The following HTR2C variants were observed in gnomAD, a reference collection of about 807,000 sequenced individuals.
HTR2C encodes the protein 5-hydroxytryptamine (serotonin) receptor 2C, G protein-coupled.
In HTR2C, 5 loss-of-function variants were observed where a neutral mutation model predicts 21.0. The ratio of observed to expected loss-of-function variants is 0.24; its 90% CI spans 0.12 to 0.50. The LOEUF is 0.50. Among genes scored for constraint, HTR2C ranks in the 20% least tolerant of loss-of-function variants. HTR2C has a pLI of 0.98. For synonymous variants in HTR2C, 150 were observed against 145.3 expected, an observed-to-expected ratio of 1.03 and a Z score of -0.23; for missense variants, 271 against 371.2, an observed-to-expected ratio of 0.73 and a Z score of 2.22.
chrX:114,602,857 C>G (rs1373884704), intron 1 of HTR2C, among the ~76,000 whole-genome samples: 2 of 99,131 alleles, frequency 2.0e-5, no homozygotes, highest in African/African-American at 3.7e-5. Flanking sequence ...GTAGGGAAGG[C>G]AGGGGGCCTG....
At chrX:114,841,605 A>G (rs961217739) in intron 4 of HTR2C, among the ~76,000 whole-genome samples, 1 of 110,557 alleles carries the variant, frequency 9.0e-6, no homozygotes, top group Non-Finnish European at 1.9e-5. Context: ...GCCTGGAGCG[A>G]TGGTGGGCAC....
intron 4 of HTR2C, among the ~76,000 whole-genome samples, chrX:114,768,865 G>T (rs1158997156): frequency 9.0e-6 from 1 of 111,187 alleles, no homozygotes; most frequent in Admixed American, 9.6e-5. Context: ...ATCTAAGACT[G>T]TACTTAATTC....
intron 2 of HTR2C, among the ~76,000 whole-genome samples, chrX:114,684,441 G>C (rs1931849075): frequency 8.9e-6 from 1 of 112,069 alleles, no homozygotes; most frequent in Non-Finnish European, 1.9e-5. Flanking sequence ...TCTTCATAAA[G>C]TAAAAGTATG....
Position 114,732,803 on chromosome X carries a change from C to T in HTR2C, c.349+1196C>T, listed in dbSNP as rs782617646. On this transcript the variant is annotated intron_variant, in intron 4 of 5. Coordinates refer to ENST00000276198, the MANE Select transcript of HTR2C (RefSeq NM_000868.4). ...TCTGTGGTGTCTGTTTCGCCAGCTT[C>T]TCCCTTTAAAAAAATGTGAGTGGCC... 4.5e-5 allele frequency among the ~76,000 whole-genome samples: 5 copies of T among 111,168 alleles called. No homozygotes were observed. In the South Asian group the frequency reaches 1.5e-3, roughly 34 times the overall value.
intron 2 of HTR2C, among the ~76,000 whole-genome samples, chrX:114,701,197 G>A (rs1932476267): frequency 8.9e-6 from 1 of 112,043 alleles, no homozygotes; most frequent in South Asian, 3.7e-4. Context: ...TGACAGTTTT[G>A]GAGAGAGCAG....
At chrX:114,898,624 C>T (rs782134128) in intron 5 of HTR2C, among the ~76,000 whole-genome samples, 67 of 111,973 alleles carry the variant, frequency 6.0e-4, no homozygotes, top group Non-Finnish European at 8.8e-4. Context: ...CTAGCCAGTT[C>T]TCCAAGCACA....
chrX:114,651,922 CATT>C (rs1476410742), intron 2 of HTR2C, among the ~76,000 whole-genome samples: 1 of 111,450 alleles, frequency 9.0e-6, no homozygotes, highest in East Asian at 2.8e-4. Flanking sequence ...TTTGGAAGAA[CATT>C]ATTATGATCT....
intron 5 of HTR2C, among the ~76,000 whole-genome samples, chrX:114,874,258 A>G (rs1163829042): frequency 9.0e-6 from 1 of 111,031 alleles, no homozygotes; most frequent in Non-Finnish European, 1.9e-5. Flanking sequence ...GAGTGCAAAT[A>G]TCTCTTTGAC....
chrX:114,670,158 C>T (rs1157327685), intron 2 of HTR2C, among the ~76,000 whole-genome samples: 1 of 111,105 alleles, frequency 9.0e-6, no homozygotes, highest in Non-Finnish European at 1.9e-5. Flanking sequence ...TTTGGGAGGC[C>T]GAGGCAGGTG....
At chrX:114,721,850 G>T (rs1187559583) in intron 2 of HTR2C, among the ~76,000 whole-genome samples, 1 of 107,460 alleles carries the variant, frequency 9.3e-6, no homozygotes, top group Admixed American at 1.0e-4. Flanking sequence ...TTATTTCTGA[G>T]GGCTCTGTTC....
rs201964979 is a variant in HTR2C, at chrX:114,906,910, A to T, written c.872A>T (p.Lys291Met). ...GACCAGAACGCACGCCGAAGAAAGA[A>T]GAAGGAGAGACGTCCTAGGGGCACC... The part of the protein sequence containing the change: ...NQDQNARRRK[K>M]KERRPRGTMQ... Residue 291 changes from lysine to methionine, a missense_variant, in exon 6 of 6, where the codon AAG becomes ATG. By Grantham distance (95) the Lys-to-Met change is moderately conservative. Transcript: ENST00000276198. 8.3e-7 allele frequency: 1 copy of T among 1,211,558 alleles called. No homozygotes were observed. The highest frequency in any genetic ancestry group is 1.1e-6 in the Non-Finnish European group (1 of 895,425).
chrX:114,675,872 T>C (rs1187853737), intron 2 of HTR2C, among the ~76,000 whole-genome samples: 30 of 99,801 alleles, frequency 3.0e-4, no homozygotes, highest in African/African-American at 9.0e-4. Context: ...TTTTTTCTTT[T>C]TTCTTTTTTT....
chrX:114,890,194 C>G (rs1397533311), intron 5 of HTR2C, among the ~76,000 whole-genome samples: 1 of 111,608 alleles, frequency 9.0e-6, no homozygotes, highest in Non-Finnish European at 1.9e-5. Flanking sequence ...GCTTCTATAA[C>G]TTATCCTATT....
chrX:114,793,108 A>C (rs925903848), intron 4 of HTR2C, among the ~76,000 whole-genome samples: 4 of 111,550 alleles, frequency 3.6e-5, no homozygotes, highest in Admixed American at 1.9e-4. Context: ...TGTGCTGTGC[A>C]GGAGCTCTTT....
chrX:114,748,989 C>T (rs782174443), intron 4 of HTR2C, among the ~76,000 whole-genome samples: 18 of 111,293 alleles, frequency 1.6e-4, no homozygotes, highest in Middle Eastern at 4.3e-3. Flanking sequence ...ATTCAGTAAA[C>T]GATTTGTATC....
intron 4 of HTR2C, among the ~76,000 whole-genome samples, chrX:114,748,479 G>A (rs1445526801): frequency 9.0e-6 from 1 of 111,065 alleles, no homozygotes; most frequent in African/African-American, 3.3e-5. Context: ...CAGCACAATT[G>A]GAGAACTCAT....
At chrX:114,845,826 A>G (rs1340238822) in intron 4 of HTR2C, among the ~76,000 whole-genome samples, 2 of 108,519 alleles carry the variant, frequency 1.8e-5, no homozygotes, top group African/African-American at 3.4e-5. Context: ...CCTAGGCAAC[A>G]TGGTGAAAAC....
chrX:114,725,643 GT>G (rs1933430226), intron 2 of HTR2C, among the ~76,000 whole-genome samples: 2 of 111,263 alleles, frequency 1.8e-5, no homozygotes, highest in African/African-American at 6.5e-5. Flanking sequence ...CATCTTTGTG[GT>G]TTTATCTACT....
At chrX:114,807,544 T>G (rs1388511888) in intron 4 of HTR2C, among the ~76,000 whole-genome samples, 1 of 105,645 alleles carries the variant, frequency 9.5e-6, no homozygotes, top group Non-Finnish European at 1.9e-5. Context: ...ATATGGTACA[T>G]AAGATATTTT....
Sources: gnomAD v4.1 joint callset for allele counts (sites outside exome capture counted in the v4.1 genomes callset) on GRCh38, gnomAD v4.1.1 for gene constraint, MANE v1.5 for transcripts, NCBI Gene and HGNC (gene_info 2026-07-23, HGNC 2026-07-21) for gene names.